Variants in DRC11 observed in about 807,000 individuals in gnomAD.
The protein encoded by DRC11 is dynein regulatory complex subunit 11, also known as IQ and AAA domain-containing protein 1.
At chr2:236,371,730 G>A in the DRC11 span, among the ~76,000 whole-genome samples, 1 of 152,104 alleles carries the variant, frequency 6.6e-6, no homozygotes, top group African/African-American at 2.4e-5. This position sits in a 1 kb window ranked among gnomAD's most constrained non-coding sequence, Gnocchi z 5.1. Context: ...AAGGGCTCAG[G>A]GGGAAAACTG....
the DRC11 span, among the ~76,000 whole-genome samples, chr2:236,506,542 C>T: frequency 1.3e-5 from 2 of 152,236 alleles, no homozygotes; most frequent in Non-Finnish European, 2.9e-5. The surrounding 1 kb of genome is among the most constrained non-coding windows in gnomAD (Gnocchi z 4.9). Flanking sequence ...GCTGGAGCTA[C>T]AGTGCCCGGC....
chr2:236,332,610 G>A, the DRC11 span: 2 of 152,170 alleles, frequency 1.3e-5, no homozygotes, highest in Non-Finnish European at 2.9e-5. The surrounding 1 kb of genome is among the most constrained non-coding windows in gnomAD (Gnocchi z 5.1). Context: ...TGTCAGGCCT[G>A]GTAAGCGGTT....
chr2:236,419,377 C>T, the DRC11 span: 385 of 1,451,690 alleles, frequency 2.7e-4, 1 homozygote, highest in Non-Finnish European at 3.4e-4. The surrounding 1 kb of genome is among the most constrained non-coding windows in gnomAD (Gnocchi z 4.8). Context: ...TGTCATCTCT[C>T]TGCCTGGCCC....
chr2:236,489,279 G>A, the DRC11 span, among the ~76,000 whole-genome samples: 1 of 145,008 alleles, frequency 6.9e-6, no homozygotes, highest in South Asian at 2.2e-4. Flanking sequence ...TGCATACTGG[G>A]GCCTGTGTGG....
chr2:236,422,989 G>C, the DRC11 span, among the ~76,000 whole-genome samples: 5 of 151,770 alleles, frequency 3.3e-5, no homozygotes, highest in Non-Finnish European at 7.4e-5. Flanking sequence ...GGGAAAACTG[G>C]CTAGCCATAT....
the DRC11 span, among the ~76,000 whole-genome samples, chr2:236,422,174 C>A: frequency 6.6e-6 from 1 of 152,162 alleles, no homozygotes; most frequent in Non-Finnish European, 1.5e-5. Flanking sequence ...TCTCACCACT[C>A]ATATTCAACA....
chr2:236,428,886 G>C, the DRC11 span, among the ~76,000 whole-genome samples: 1 of 152,078 alleles, frequency 6.6e-6, no homozygotes, highest in Non-Finnish European at 1.5e-5. Flanking sequence ...AGCTTCTTTA[G>C]AATACTTATT....
At chr2:236,491,188 GTATA>G in the DRC11 span, among the ~76,000 whole-genome samples, 3,297 of 24,560 alleles carry the variant, frequency 0.13, 443 homozygotes, top group African/African-American at 0.31. Flanking sequence ...TATACACACA[GTATA>G]TATATATATA....
the DRC11 span, chr2:236,324,891 G>A: frequency 1.3e-6 from 1 of 768,392 alleles, no homozygotes; most frequent in East Asian, 2.8e-5. This position sits in a 1 kb window ranked among gnomAD's most constrained non-coding sequence, Gnocchi z 5.7. Flanking sequence ...AGCAGCCATT[G>A]TACTTTGGGC....
chr2:236,362,110 A>G, the DRC11 span, among the ~76,000 whole-genome samples: 2 of 152,214 alleles, frequency 1.3e-5, no homozygotes, highest in African/African-American at 4.8e-5. The surrounding 1 kb of genome is among the most constrained non-coding windows in gnomAD (Gnocchi z 5.7). Context: ...AACATATATG[A>G]AGCAACTGAC....
chr2:236,478,005 T>TTGTG, the DRC11 span, among the ~76,000 whole-genome samples: 4,149 of 146,862 alleles, frequency 0.028, 130 homozygotes, highest in Admixed American at 0.073. This position sits in a 1 kb window ranked among gnomAD's most constrained non-coding sequence, Gnocchi z 5.9. Flanking sequence ...TTTTGTTGAT[T>TTGTG]TGTGTGTGTG....
chr2:236,487,179 C>T, the DRC11 span, among the ~76,000 whole-genome samples: 1 of 152,150 alleles, frequency 6.6e-6, no homozygotes, highest in Non-Finnish European at 1.5e-5. Flanking sequence ...GAATGTGAGG[C>T]TAGATCTAAG....
the DRC11 span, chr2:236,408,959 C>T: frequency 2.1e-5 from 15 of 707,384 alleles, no homozygotes; most frequent in East Asian, 1.4e-4. The surrounding 1 kb of genome is among the most constrained non-coding windows in gnomAD (Gnocchi z 5.5). Flanking sequence ...CGAAGTGGAC[C>T]GGCTTGGAAG....
At chr2:236,411,229 G>A in the DRC11 span, among the ~76,000 whole-genome samples, 5 of 151,972 alleles carry the variant, frequency 3.3e-5, no homozygotes, top group East Asian at 3.9e-4. Flanking sequence ...TCAAAAAGTC[G>A]GTGAAGGACA....
At chr2:236,498,002 T>C in the DRC11 span, among the ~76,000 whole-genome samples, 1 of 152,146 alleles carries the variant, frequency 6.6e-6, no homozygotes, top group Non-Finnish European at 1.5e-5. Flanking sequence ...TAAAAACCTG[T>C]AGATAACATA....
chr2:236,345,276 G>A, the DRC11 span, among the ~76,000 whole-genome samples: 3 of 152,134 alleles, frequency 2.0e-5, no homozygotes, highest in African/African-American at 7.2e-5. Flanking sequence ...GCTACAACCT[G>A]CCCCACCACG....
chr2:236,503,684 C>A, the DRC11 span: 1 of 1,550,912 alleles, frequency 6.4e-7, no homozygotes, highest in Admixed American at 2.0e-5. This position sits in a 1 kb window ranked among gnomAD's most constrained non-coding sequence, Gnocchi z 4.9. Context: ...AGACCCTCTT[C>A]CCTCGAGACT....
the DRC11 span, chr2:236,391,925 A>G: frequency 1.3e-6 from 2 of 1,517,376 alleles, no homozygotes; most frequent in East Asian, 4.5e-5. This position sits in a 1 kb window ranked among gnomAD's most constrained non-coding sequence, Gnocchi z 4.5. Flanking sequence ...GCTGCTTTTC[A>G]TGACTGAATC....
chr2:236,357,948 T>A, the DRC11 span, among the ~76,000 whole-genome samples: 3 of 114,832 alleles, frequency 2.6e-5, no homozygotes, highest in African/African-American at 1.2e-4. Context: ...ATATATAATA[T>A]ATAAATATAT....
Sources: allele counts gnomAD v4.1 joint callset (sites outside exome capture counted in the v4.1 genomes callset), GRCh38; gene constraint gnomAD v4.1.1; non-coding constraint Gnocchi (gnomAD v3.1); transcripts MANE v1.5; gene names NCBI Gene and HGNC (gene_info 2026-07-23, HGNC 2026-07-21).